Variants in ARPC2 observed in about 807,000 individuals in gnomAD.
The protein encoded by ARPC2 is actin related protein 2/3 complex subunit 2.
Under a neutral mutation model 38.6 loss-of-function variants are expected in ARPC2, and 4 were observed. The observed-to-expected ratio is 0.10, with a 90% CI of 0.05 to 0.24. The LOEUF is 0.24. Ranked by LOEUF, ARPC2 falls within the 10% of genes least tolerant of loss-of-function variation. The probability of loss-of-function intolerance (pLI) is 1.00; values close to 1 mark genes in which losing one functional copy is unlikely to be tolerated. For missense variants in ARPC2, 229 were observed against 387.3 expected (o/e 0.59, Z 3.43); for synonymous variants, 125 against 140.8 (o/e 0.89, Z 0.79).
At chr2:218,221,785 A>G (rs1185081552) in intron 2 of ARPC2, among the ~76,000 whole-genome samples, 1 of 152,230 alleles carries the variant, frequency 6.6e-6, no homozygotes, top group African/African-American at 2.4e-5. Flanking sequence ...TATATGGCTT[A>G]GTGGAGAATA....
At chr2:218,221,207 T>C (rs10932764) in intron 2 of ARPC2, among the ~76,000 whole-genome samples, 142,464 of 152,248 alleles carry the variant, frequency 0.94, 67,300 homozygotes, top group East Asian at 1. Flanking sequence ...ACAGCCAGTG[T>C]ATATTGCGGG....
intron 2 of ARPC2, among the ~76,000 whole-genome samples, chr2:218,220,847 A>G (rs1169024826): frequency 6.6e-6 from 1 of 152,178 alleles, no homozygotes; most frequent in African/African-American, 2.4e-5. Context: ...GCTTATTGAA[A>G]CAACTCATAG....
rs768777238 is a variant in ARPC2 at position 218,249,944 on chromosome 2, G to A, written c.878+23G>A. 40 of 1,568,462 alleles carry A rather than the reference G, an allele frequency of 2.6e-5. No homozygotes were observed. In the South Asian group the frequency reaches 2.9e-4, roughly 11 times the overall value. Reference sequence around the variant, plus strand: ...CACGTAAGTTAGGCAGCACCCCAGCGACCACCTTCCTCTCCTGAGTCACCG... The same window carrying A: ...CACGTAAGTTAGGCAGCACCCCAGCAACCACCTTCCTCTCCTGAGTCACCG... On this transcript the variant is annotated intron_variant, in intron 10 of 10. Transcript: ENST00000315717.
In ARPC2 at chr2:218,253,970, C is replaced by T; in HGVS notation, c.*55C>T. On this transcript the variant is annotated 3_prime_UTR_variant, in exon 11 of 11. Transcript: ENST00000315717. ...CAACTGAAGGCTGGAACACTTGCTA[C>T]TGGATAATCGTAGCTTTTAATGTTG... 2 of 1,607,710 alleles carry T rather than the reference C, an allele frequency of 1.2e-6. No individual in the cohort carries two copies. The highest frequency in any genetic ancestry group is 1.7e-6 in the Non-Finnish European group (2 of 1,174,592).
intron 5 of ARPC2, chr2:218,235,408 A>C (rs1689746405): frequency 6.6e-6 from 1 of 152,578 alleles, no homozygotes; most frequent in South Asian, 2.1e-4. Flanking sequence ...AAACAGAGTA[A>C]GGAGGTCTCA....
intron 7 of ARPC2, among the ~76,000 whole-genome samples, chr2:218,240,431 G>A (rs964681705): frequency 3.3e-5 from 5 of 152,170 alleles, no homozygotes; most frequent in African/African-American, 1.2e-4. Flanking sequence ...TTCTAGTAAG[G>A]TGGCTGCTCT....
intron 2 of ARPC2, among the ~76,000 whole-genome samples, chr2:218,224,987 A>C (rs1283417930): frequency 6.6e-6 from 1 of 152,228 alleles, no homozygotes; most frequent in Admixed American, 6.5e-5. Flanking sequence ...ATGTGAAAAC[A>C]TGCGCATCTT....
intron 7 of ARPC2, among the ~76,000 whole-genome samples, chr2:218,242,650 T>A (rs1689942260): frequency 6.6e-6 from 1 of 152,224 alleles, no homozygotes; most frequent in Non-Finnish European, 1.5e-5. Flanking sequence ...TCCCAGAGTA[T>A]GTTGTAAACT....
At chr2:218,217,625 G>C in intron 2 of ARPC2, 81 bp downstream of exon 2, 1 of 1,398,492 alleles carries the variant, frequency 7.2e-7, no homozygotes, top group Non-Finnish European at 9.9e-7. Context: ...CAGTCCCCCA[G>C]ACCTGGAGGA....
intron 4 of ARPC2, among the ~76,000 whole-genome samples, chr2:218,230,069 C>T (rs1015689516): frequency 2.2e-4 from 33 of 151,860 alleles, no homozygotes; most frequent in Non-Finnish European, 7.4e-5. Context: ...CTCCTGGGTT[C>T]AAGCAGTTCA....
At chr2:218,249,173 CGTT>C (rs1690119998) in intron 8 of ARPC2, among the ~76,000 whole-genome samples, 188 bp from the exon 9 acceptor site, 1 of 152,164 alleles carries the variant, frequency 6.6e-6, no homozygotes, top group Non-Finnish European at 1.5e-5. Flanking sequence ...CATTCACGCT[CGTT>C]GACACCTTTC....
At chr2:218,219,810 C>T (rs6733051) in intron 2 of ARPC2, among the ~76,000 whole-genome samples, 3,922 of 150,290 alleles carry the variant, frequency 0.026, 193 homozygotes, top group African/African-American at 0.089. Context: ...TCAAAACATT[C>T]TGCTGAAAAT....
chr2:218,225,564 G>A (rs114225066), intron 2 of ARPC2, among the ~76,000 whole-genome samples: 8,048 of 152,264 alleles, frequency 0.053, 316 homozygotes, highest in Middle Eastern at 0.085. Flanking sequence ...TAATACCACT[G>A]TCCTGTGGGG....
At chr2:218,231,104 C>T (rs1689623355) in intron 4 of ARPC2, among the ~76,000 whole-genome samples, 1 of 151,990 alleles carries the variant, frequency 6.6e-6, no homozygotes, top group East Asian at 1.9e-4. Flanking sequence ...AGTGACCAAC[C>T]CATGATAACC....
intron 8 of ARPC2, 86 bp from the exon 9 acceptor site, chr2:218,249,278 A>ATCTCG: frequency 1.2e-6 from 1 of 854,768 alleles, no homozygotes; most frequent in Admixed American, 2.4e-5. Flanking sequence ...GCAGAGAGGG[A>ATCTCG]GTGATGTTCA....
At chr2:218,227,091 C>T (rs1329972825) in intron 3 of ARPC2, 3 of 451,782 alleles carry the variant, frequency 6.6e-6, no homozygotes, top group African/African-American at 4.0e-5. Flanking sequence ...AGTGCTGTTA[C>T]CTGGAGGCCA....
rs1690262523 is a variant in ARPC2, at chr2:218,254,179, CT to C, written c.*268del. 2.2e-6 allele frequency: 1 copy of C among 454,252 alleles called. No homozygotes were observed. Among genetic ancestry groups the C allele is most frequent in the Non-Finnish European group, 3.9e-6 (1 of 256,500 alleles). 28.1% of individuals were successfully genotyped at this position (454,252 alleles called of 1,614,324 possible). A position where few individuals can be genotyped will look rare whatever the true frequency, so the allele number is the denominator to read the frequency against. On this transcript the variant is annotated 3_prime_UTR_variant, in exon 11 of 11. Transcript: ENST00000315717. ...TCTTTATCTTCCCTCCCTCACTTCC[CT>C]TTTCTCCCACCCTCTTTTCCAAGCT...
At chr2:218,240,596 G>A (rs1391772249) in intron 7 of ARPC2, among the ~76,000 whole-genome samples, 1 of 152,122 alleles carries the variant, frequency 6.6e-6, no homozygotes, top group Non-Finnish European at 1.5e-5. Context: ...CTCATCTTAA[G>A]AAGAGTCATG....
At chr2:218,239,590 A>T in intron 7 of ARPC2, 106 bp downstream of exon 7, 1 of 853,268 alleles carries the variant, frequency 1.2e-6, no homozygotes, top group Non-Finnish European at 1.8e-6. Flanking sequence ...TACTGATGTT[A>T]GAATTTTTTT....
Sources: allele counts gnomAD v4.1 joint callset (sites outside exome capture counted in the v4.1 genomes callset), GRCh38; gene constraint gnomAD v4.1.1; transcripts MANE v1.5; gene names NCBI Gene and HGNC (gene_info 2026-07-23, HGNC 2026-07-21).